Variants in IL1RAPL1 observed in about 807,000 individuals in gnomAD.
The protein encoded by IL1RAPL1 is interleukin-1 receptor accessory protein-like 1.
A neutral mutation model predicts 48.4 loss-of-function variants in IL1RAPL1; 3 were observed. The observed-to-expected ratio is 0.06, with a 90% CI of 0.03 to 0.16. The LOEUF (loss-of-function observed/expected upper bound fraction) is 0.16, where lower values mean the gene tolerates loss of function less well. Ranked by LOEUF, IL1RAPL1 falls within the 10% of genes least tolerant of loss-of-function variation. The pLI, the probability that IL1RAPL1 is intolerant of heterozygous loss-of-function variation, is 1.00. For missense variants in IL1RAPL1, 349 were observed against 530.6 expected, an observed-to-expected ratio of 0.66 and a Z score of 3.36; for synonymous variants, 185 against 187.7, an observed-to-expected ratio of 0.99 and a Z score of 0.12.
intron 2 of IL1RAPL1, among the ~76,000 whole-genome samples, chrX:29,125,982 C>T (rs920346641): frequency 5.5e-5 from 6 of 108,709 alleles, no homozygotes; most frequent in African/African-American, 1.7e-4. Flanking sequence ...AATACATCAT[C>T]TGTACCATGC....
chrX:29,470,984 G>A (rs1244093040), intron 5 of IL1RAPL1, among the ~76,000 whole-genome samples: 1 of 111,655 alleles, frequency 9.0e-6, no homozygotes, highest in African/African-American at 3.3e-5. Flanking sequence ...ACAAAGTTAT[G>A]CAACTATCAC....
intron 1 of IL1RAPL1, among the ~76,000 whole-genome samples, chrX:28,773,040 A>C (rs991007927): frequency 7.2e-5 from 8 of 110,502 alleles, no homozygotes; most frequent in African/African-American, 2.7e-4. Context: ...ATGGTGTCAA[A>C]TAATCCTTTT....
chrX:29,024,952 C>A (rs916360811), intron 2 of IL1RAPL1, among the ~76,000 whole-genome samples: 1 of 111,247 alleles, frequency 9.0e-6, no homozygotes, highest in Admixed American at 9.6e-5. Flanking sequence ...TTAGTAGTCA[C>A]TCCTCATTTC....
At chrX:29,340,442 T>C (rs1933058250) in intron 3 of IL1RAPL1, among the ~76,000 whole-genome samples, 1 of 112,340 alleles carries the variant, frequency 8.9e-6, no homozygotes, top group African/African-American at 3.2e-5. Flanking sequence ...ACACAATATG[T>C]GACTTTTTGT....
intron 6 of IL1RAPL1, among the ~76,000 whole-genome samples, chrX:29,912,183 C>T (rs1158452519): frequency 9.0e-6 from 1 of 111,172 alleles, no homozygotes; most frequent in Non-Finnish European, 1.9e-5. Flanking sequence ...GGAATAATAC[C>T]ACTGAAATAA....
intron 8 of IL1RAPL1, among the ~76,000 whole-genome samples, chrX:29,926,245 T>A (rs1932890021): frequency 1.8e-5 from 2 of 112,560 alleles, no homozygotes; most frequent in Non-Finnish European, 1.9e-5. Flanking sequence ...AATAACCAAG[T>A]AGCATCATTG....
chrX:28,791,851 C>A (rs1005370153), intron 2 of IL1RAPL1, among the ~76,000 whole-genome samples: 4 of 111,381 alleles, frequency 3.6e-5, no homozygotes, highest in African/African-American at 9.8e-5. Flanking sequence ...GATGTCTGTT[C>A]CTGTGGCACC....
At chrX:29,893,881 A>G (rs112869301) in intron 6 of IL1RAPL1, among the ~76,000 whole-genome samples, 1,731 of 111,723 alleles carry the variant, frequency 0.015, 31 homozygotes, top group African/African-American at 0.05. Flanking sequence ...CTGCATCAAC[A>G]TAAGTGTGAA....
chrX:28,643,966 C>A (rs974901167), intron 1 of IL1RAPL1, among the ~76,000 whole-genome samples: 11 of 111,742 alleles, frequency 9.8e-5, no homozygotes, highest in Non-Finnish European at 1.9e-4. Context: ...TTCTCACTTT[C>A]TTTAGAATGC....
chrX:28,978,622 A>T (rs1448218060), intron 2 of IL1RAPL1, among the ~76,000 whole-genome samples: 7 of 111,870 alleles, frequency 6.3e-5, no homozygotes, highest in African/African-American at 2.3e-4. Flanking sequence ...TTACTGAGTC[A>T]TACTAGGAGC....
intron 5 of IL1RAPL1, among the ~76,000 whole-genome samples, chrX:29,411,027 G>A (rs1336517944): frequency 9.0e-6 from 1 of 111,018 alleles, no homozygotes; most frequent in East Asian, 2.8e-4. Context: ...CTCCAGGAAG[G>A]GCCTTAACAG....
intron 5 of IL1RAPL1, among the ~76,000 whole-genome samples, chrX:29,613,712 CGTGT>C (rs753582133): frequency 0.13 from 7,869 of 58,671 alleles, 477 homozygotes; most frequent in East Asian, 0.22. Context: ...GGGTTTTTTT[CGTGT>C]GTGTGTGTGT....
intron 2 of IL1RAPL1, among the ~76,000 whole-genome samples, chrX:28,807,831 GTTTT>G (rs1359589639): frequency 1.8e-5 from 2 of 110,979 alleles, no homozygotes; most frequent in African/African-American, 6.5e-5. Flanking sequence ...TAATTGGAAG[GTTTT>G]CAGAAAAGCT....
chrX:29,002,021 G>A (rs1311663017), intron 2 of IL1RAPL1, among the ~76,000 whole-genome samples: 2 of 108,102 alleles, frequency 1.9e-5, no homozygotes, highest in Non-Finnish European at 3.8e-5. Flanking sequence ...TCAGCCTCCC[G>A]AGTAGCTGGG....
intron 5 of IL1RAPL1, among the ~76,000 whole-genome samples, chrX:29,402,418 T>A (rs934488444): frequency 8.9e-6 from 1 of 111,984 alleles, no homozygotes; most frequent in Non-Finnish European, 1.9e-5. Context: ...TGCATCAAAC[T>A]ATTTAATGAC....
intron 5 of IL1RAPL1, among the ~76,000 whole-genome samples, chrX:29,406,155 C>T (rs905133501): frequency 4.5e-5 from 5 of 111,253 alleles, no homozygotes; most frequent in African/African-American, 9.8e-5. Context: ...TTTGGGAGGC[C>T]GAGGTGGGCG....
At chrX:29,490,515 AG>A (rs1410028124) in intron 5 of IL1RAPL1, among the ~76,000 whole-genome samples, 1 of 111,744 alleles carries the variant, frequency 8.9e-6, no homozygotes, top group Non-Finnish European at 1.9e-5. Flanking sequence ...CCTGGGTGAC[AG>A]AGGGAGACCG....
intron 4 of IL1RAPL1, among the ~76,000 whole-genome samples, chrX:29,398,432 G>T (rs1933946278): frequency 9.0e-6 from 1 of 111,289 alleles, no homozygotes; most frequent in African/African-American, 3.3e-5. Context: ...TTCTGTTTTG[G>T]CAAAAACAGA....
chrX:29,072,108 A>G (rs1263871268), intron 2 of IL1RAPL1, among the ~76,000 whole-genome samples: 2 of 110,312 alleles, frequency 1.8e-5, no homozygotes, highest in Non-Finnish European at 3.8e-5. Context: ...GCTTCCATCC[A>G]ATGATTCCCA....
Sources: allele counts gnomAD v4.1 joint callset (sites outside exome capture counted in the v4.1 genomes callset), GRCh38; gene constraint gnomAD v4.1.1; transcripts MANE v1.5; gene names NCBI Gene and HGNC (gene_info 2026-07-23, HGNC 2026-07-21).